The following WDPCP variants were observed in gnomAD, a reference collection of about 807,000 sequenced individuals.
The protein encoded by WDPCP is WD repeat-containing and planar cell polarity effector protein fritz homolog.
A neutral mutation model predicts 93.1 loss-of-function variants in WDPCP; 71 were observed. That is an observed-to-expected ratio of 0.76 (90% CI 0.63 to 0.93). The LOEUF (loss-of-function observed/expected upper bound fraction) is 0.93, where lower values mean the gene tolerates loss of function less well. WDPCP is among the 40% of genes least tolerant of loss of function. The pLI is 0.00. For synonymous variants in WDPCP, 315 were observed against 315.0 expected, an observed-to-expected ratio of 1.00 and a Z score of 0.00; for missense variants, 844 against 887.4, an observed-to-expected ratio of 0.95 and a Z score of 0.62.
intron 6 of WDPCP, among the ~76,000 whole-genome samples, chr2:63,453,783 T>C (rs989118489): frequency 2.6e-5 from 4 of 151,894 alleles, no homozygotes; most frequent in Admixed American, 2.0e-4. Context: ...GATGGGTGCA[T>C]GTCCTTTGTA....
Position 63,514,403 on chromosome 2 carries a change from C to T in WDPCP, c.76-21463G>A, listed in dbSNP as rs371204038. On this transcript the variant is annotated intron_variant, in intron 1 of 17. Transcript: ENST00000272321. ...AATGTCTTGGTGAGCATCCCTTATC[C>T]TTCCTTCAAACTGATGGTCCGTTTA... 1.1e-4 allele frequency among the ~76,000 whole-genome samples: 17 copies of T among 152,232 alleles called. No homozygotes were observed. In the East Asian group the frequency reaches 2.5e-3, roughly 22 times the overall value.
At chr2:63,540,897 C>T (rs1558779982) in intron 1 of WDPCP, among the ~76,000 whole-genome samples, 1 of 151,802 alleles carries the variant, frequency 6.6e-6, no homozygotes. Flanking sequence ...GTGCACACTA[C>T]AATATCTGGC....
In WDPCP at chr2:63,120,589, C is replaced by A. The variant is rs540370990; in HGVS notation, c.*1417G>T. 7.0e-6 allele frequency among the ~76,000 whole-genome samples: 1 copy of A among 142,410 alleles called. No individual in the cohort carries two copies. The highest frequency in any genetic ancestry group is 2.6e-5 in the African/African-American group (1 of 37,972). 93.4% of individuals were successfully genotyped at this position (142,410 alleles called of 152,430 possible). A position where few individuals can be genotyped will look rare whatever the true frequency, so the allele number is the denominator to read the frequency against. On this transcript the variant is annotated 3_prime_UTR_variant, in exon 18 of 18. Transcript: ENST00000272321. ...TCACCCAGGCTGGAGCGTAATGGTG[C>A]GACCTCAGCTCACTGCAGCCTCCGC...
At chr2:63,423,694 G>C (rs777488956) in intron 9 of WDPCP, among the ~76,000 whole-genome samples, 4 of 152,174 alleles carry the variant, frequency 2.6e-5, no homozygotes, top group Non-Finnish European at 4.4e-5. Flanking sequence ...TCACGTGATT[G>C]ATACTGGTTC....
At chr2:63,782,346 G>A (rs1268618791) in intron 2 of WDPCP, among the ~76,000 whole-genome samples, 3 of 152,078 alleles carry the variant, frequency 2.0e-5, no homozygotes, top group Non-Finnish European at 4.4e-5. Flanking sequence ...CTTCTACACA[G>A]CAAAAGAAAT....
Position 63,531,114 on chromosome 2 carries a change from CTG to C in WDPCP, c.76-38176_76-38175del, listed in dbSNP as rs1703802441. Among the ~76,000 whole-genome samples the C allele has an allele frequency of 2.0e-5, 3 of 152,342 alleles. No individual in the cohort carries two copies. In the South Asian group the frequency reaches 6.2e-4, roughly 32 times the overall value. On this transcript the variant is annotated intron_variant, in intron 1 of 17. Transcript: ENST00000272321. ...GCTAGCACAGCAGTCCAAGATCGAACTGTGAGGCAGCAACGAGGCTGGGGGAG... is the reference window on the plus strand; with the variant it reads ...GCTAGCACAGCAGTCCAAGATCGAACTGAGGCAGCAACGAGGCTGGGGGAG...
chr2:63,601,425 A>G (rs1709416193), intron 3 of WDPCP, among the ~76,000 whole-genome samples: 1 of 152,228 alleles, frequency 6.6e-6, no homozygotes, highest in Non-Finnish European at 1.5e-5. Context: ...TGACATTGAT[A>G]CCAGATAAGG....
intron 2 of WDPCP, among the ~76,000 whole-genome samples, chr2:63,735,550 C>T (rs1364534891): frequency 6.6e-6 from 1 of 152,012 alleles, no homozygotes; most frequent in African/African-American, 2.4e-5. Flanking sequence ...CAACAGAGAG[C>T]TATTAAGGTT....
intron 13 of WDPCP, among the ~76,000 whole-genome samples, chr2:63,305,889 C>A (rs1250777805): frequency 1.3e-5 from 2 of 152,034 alleles, no homozygotes; most frequent in Non-Finnish European, 2.9e-5. Flanking sequence ...AAATACAGCA[C>A]AAGAACTTCA....
chr2:63,300,100 C>G lies in WDPCP; in HGVS notation c.1812+13148G>C, dbSNP rs371839827. 3.9e-5 allele frequency among the ~76,000 whole-genome samples: 6 copies of G among 152,044 alleles called. No homozygotes were observed. The East Asian group carries it at 9.7e-4, about 25-fold the overall frequency. On this transcript the variant is annotated intron_variant, in intron 13 of 17. Transcript: ENST00000272321. The stretch of plus-strand genomic sequence containing the variant: ...GAGCCCTATATAAATCAGACACCAC[C>G]TCCTCAAACTGGACTATAAACTTGG...
At chr2:63,371,311 A>C (rs1213360593) in intron 12 of WDPCP, among the ~76,000 whole-genome samples, 4 of 152,098 alleles carry the variant, frequency 2.6e-5, no homozygotes, top group African/African-American at 9.7e-5. Context: ...CTTTGCTACC[A>C]ATCTGTAACT....
intron 12 of WDPCP, among the ~76,000 whole-genome samples, chr2:63,377,363 C>T (rs1454944626): frequency 2.6e-5 from 4 of 151,392 alleles, no homozygotes; most frequent in Non-Finnish European, 1.5e-5. Context: ...TGTAATCCTC[C>T]TTTTTGGTAC....
intron 3 of WDPCP, chr2:63,643,914 T>A (rs1163514689): frequency 7.8e-6 from 4 of 512,646 alleles, no homozygotes; most frequent in African/African-American, 7.7e-5. Context: ...AGGAAAATGA[T>A]GACAGGGAGG....
At chr2:63,489,614 TCAGATTTTGACA>T (rs887658045) in intron 2 of WDPCP, among the ~76,000 whole-genome samples, 1 of 152,008 alleles carries the variant, frequency 6.6e-6, no homozygotes, top group Non-Finnish European at 1.5e-5. Context: ...ATTAAAGTGC[TCAGATTTTGACA>T]GGGACATGTC....
At chr2:63,402,665 C>A (rs562411072) in intron 10 of WDPCP, among the ~76,000 whole-genome samples, 1 of 152,036 alleles carries the variant, frequency 6.6e-6, no homozygotes, top group Non-Finnish European at 1.5e-5. Flanking sequence ...TTTTTTGAGA[C>A]GGAGTCTTGC....
chr2:63,519,213 T>C (rs765872279), intron 1 of WDPCP: 1 of 152,348 alleles, frequency 6.6e-6, no homozygotes, highest in Non-Finnish European at 1.5e-5. Flanking sequence ...CGACCATTAC[T>C]GTAAACCTGC....
In WDPCP at chr2:63,786,200, C is replaced by T. The variant is rs561681334; in HGVS notation, n.308+27422G>A. 7.9e-5 allele frequency among the ~76,000 whole-genome samples: 12 copies of T among 152,118 alleles called. No homozygotes were observed. In the South Asian group the frequency reaches 2.5e-3, roughly 32 times the overall value. On this transcript the variant is annotated intron_variant and non_coding_transcript_variant, in intron 2 of 4. Transcript: ENST00000467687. The stretch of plus-strand genomic sequence containing the variant: ...TAATTTTTAAATTCTTTTGTAGAGA[C>T]GAGGTCTCACTATATTGCCCAGGCT...
At chr2:63,816,001 T>A (rs1025498982) in intron 1 of WDPCP, among the ~76,000 whole-genome samples, 1 of 152,072 alleles carries the variant, frequency 6.6e-6, no homozygotes, top group Non-Finnish European at 1.5e-5. Flanking sequence ...GAAACAAAAA[T>A]GAAGATAGTA....
intron 14 of WDPCP, among the ~76,000 whole-genome samples, chr2:63,252,738 A>G (rs1175031198): frequency 2.0e-5 from 3 of 152,140 alleles, no homozygotes; most frequent in African/African-American, 7.2e-5. Context: ...ATGAACTACA[A>G]AATACCGCTG....
Sources: allele counts gnomAD v4.1 joint callset (sites outside exome capture counted in the v4.1 genomes callset), GRCh38; gene constraint gnomAD v4.1.1; transcripts MANE v1.5; gene names NCBI Gene and HGNC (gene_info 2026-07-23, HGNC 2026-07-21).